CHDH: variants seen among roughly 807,000 people sequenced by gnomAD.
The protein encoded by CHDH is choline dehydrogenase, also known as choline dehydrogenase, mitochondrial.
A neutral mutation model predicts 56.9 loss-of-function variants in CHDH; 43 were observed. The observed-to-expected ratio is 0.76, with a 90% confidence interval of 0.59 to 0.97. The LOEUF (loss-of-function observed/expected upper bound fraction) is 0.97, where lower values mean the gene tolerates loss of function less well. Among genes scored for constraint, CHDH ranks in the 50% least tolerant of loss-of-function variants. The probability of loss-of-function intolerance (pLI) is 0.00; values close to 1 mark genes in which losing one functional copy is unlikely to be tolerated. For synonymous variants in CHDH, 364 were observed against 348.5 expected (o/e 1.04, Z -0.50); for missense variants, 816 against 821.1 (o/e 0.99, Z 0.08).
chr3:53,839,081 G>A (rs897439529), intron 2 of CHDH, among the ~76,000 whole-genome samples: 1 of 152,210 alleles, frequency 6.6e-6, no homozygotes, highest in African/African-American at 2.4e-5. Flanking sequence ...CGGACCAGCA[G>A]AAGGAGAAAA....
At chr3:53,840,644 C>T (rs531820428) in intron 2 of CHDH, among the ~76,000 whole-genome samples, 1 of 152,160 alleles carries the variant, frequency 6.6e-6, no homozygotes, top group Non-Finnish European at 1.5e-5. Context: ...ACACAAAATT[C>T]CCATCTCCAT....
At position 53,833,653 on chromosome 3, in the gene CHDH, G is replaced by A. The variant is rs117125619; in HGVS notation, c.-60+7276C>T. ...CTCCCTGCCATGGGTGGGGTCTGAA[G>A]TTGGTGAGGTAGCATCCAAGGCTTC... On this transcript the variant is annotated intron_variant, in intron 2 of 8. Transcript: ENST00000315251. Among the ~76,000 whole-genome samples the A allele has an allele frequency of 7.4e-3, 1,134 of 152,288 alleles. 32 individuals are homozygous for A. In the East Asian group the frequency reaches 0.091, roughly 12 times the overall value.
chr3:53,827,949 G>A (rs539299995), intron 2 of CHDH, among the ~76,000 whole-genome samples: 12 of 152,172 alleles, frequency 7.9e-5, no homozygotes, highest in Middle Eastern at 3.4e-3. Flanking sequence ...AAAGTGAAGC[G>A]CAAAATTGGA....
Position 53,846,343 on chromosome 3 carries a change from G to T in CHDH, c.-391C>A, listed in dbSNP as rs1372499188. ...CTCACTGCATGCACGTGTGCGCGGGGGTAGGCGCGCGCCGCGGCGGCCCGT... is the reference window on the plus strand; with the variant it reads ...CTCACTGCATGCACGTGTGCGCGGGTGTAGGCGCGCGCCGCGGCGGCCCGT... On this transcript the variant is annotated 5_prime_UTR_variant, in exon 1 of 9. Coordinates refer to ENST00000315251, the MANE Select transcript of CHDH (RefSeq NM_018397.5). 4 of 451,578 alleles carry T rather than the reference G, an allele frequency of 8.9e-6. No homozygotes were observed. Among genetic ancestry groups the T allele is most frequent in the Non-Finnish European group, 1.5e-5 (4 of 258,720 alleles). The allele number at this position is 451,578 out of a possible 1,614,324, so 28.0% of individuals were successfully genotyped here.
chr3:53,846,317 G>T lies in CHDH; in HGVS notation c.-365C>A, dbSNP rs952947917. Reference sequence around the variant, plus strand: ...AGGGCGGGTGCAGCTGATGCACCTGGCTCACTGCATGCACGTGTGCGCGGG... The same window carrying T: ...AGGGCGGGTGCAGCTGATGCACCTGTCTCACTGCATGCACGTGTGCGCGGG... On this transcript the variant is annotated 5_prime_UTR_variant, in exon 1 of 9. Transcript: ENST00000315251. The T allele has an allele frequency of 2.2e-5, 9 of 404,492 alleles. No homozygotes were observed. The highest frequency in any genetic ancestry group is 3.0e-5 in the Non-Finnish European group (7 of 229,872). 25.1% of individuals were successfully genotyped at this position (404,492 alleles called of 1,614,324 possible). A position where few individuals can be genotyped will look rare whatever the true frequency, so the allele number is the denominator to read the frequency against.
At position 53,813,613 on chromosome 3, in the gene CHDH, T is replaced by C. The variant is rs1246714946; in HGVS notation, c.*4164A>G. On this transcript the variant is annotated 3_prime_UTR_variant, in exon 9 of 9. Transcript: ENST00000315251. Reference sequence around the variant, plus strand: ...CCTAAGTGTCTGATAGAGGCGATGATCTTTTCCAAAGTCAGTACTTACAAA... The same window carrying C: ...CCTAAGTGTCTGATAGAGGCGATGACCTTTTCCAAAGTCAGTACTTACAAA... 1 of 152,234 alleles carries C rather than the reference T, an allele frequency of 6.6e-6. No homozygotes were observed. The highest frequency in any genetic ancestry group is 1.9e-4 in the East Asian group (1 of 5,194). 9.4% of individuals were successfully genotyped at this position (152,234 alleles called of 1,614,324 possible).
chr3:53,843,149 T>C (rs996179714), intron 1 of CHDH, among the ~76,000 whole-genome samples: 1 of 150,706 alleles, frequency 6.6e-6, no homozygotes, highest in Non-Finnish European at 1.5e-5. Flanking sequence ...ATCTGGGGAT[T>C]ACCGTGACTC....
Position 53,816,839 on chromosome 3 carries a change from G to GTTT in CHDH, c.*937_*938insAAA. ...TTGAATAAGGTCCAAAAAAATCTCAGGTTTTTTTTTTTTTTTTTTTTTTTG... is the reference window on the plus strand; with the variant it reads ...TTGAATAAGGTCCAAAAAAATCTCAGTTTGTTTTTTTTTTTTTTTTTTTTTTTG... On this transcript the variant is annotated 3_prime_UTR_variant, in exon 9 of 9. Transcript: ENST00000315251. 1 of 142,986 alleles carries GTTT rather than the reference G, an allele frequency of 7.0e-6. No homozygotes were observed. The highest frequency in any genetic ancestry group is 2.2e-4 in the South Asian group (1 of 4,470). The allele number at this position is 142,986 out of a possible 1,614,324, so 8.9% of individuals were successfully genotyped here. A position where few individuals can be genotyped will look rare whatever the true frequency, so the allele number is the denominator to read the frequency against.
chr3:53,828,889 C>T, intron 2 of CHDH, among the ~76,000 whole-genome samples: 1 of 152,194 alleles, frequency 6.6e-6, no homozygotes, highest in East Asian at 1.9e-4. Flanking sequence ...AGCAATTGTG[C>T]TCCTTGGTAT....
At chr3:53,844,820 T>C (rs961648664) in intron 1 of CHDH, 1 of 152,298 alleles carries the variant, frequency 6.6e-6, no homozygotes, top group Non-Finnish European at 1.5e-5. Context: ...AAACCAAAAA[T>C]GGATGACCAT....
intron 2 of CHDH, among the ~76,000 whole-genome samples, chr3:53,826,315 T>TA (rs59355780): frequency 0.023 from 3,264 of 139,814 alleles, 116 homozygotes; most frequent in African/African-American, 0.072. Flanking sequence ...GACATTACAA[T>TA]AAAAAAAAAA....
At chr3:53,844,341 C>G (rs545764393) in intron 1 of CHDH, among the ~76,000 whole-genome samples, 1 of 152,272 alleles carries the variant, frequency 6.6e-6, no homozygotes, top group East Asian at 1.9e-4. Flanking sequence ...TTTTACAAAA[C>G]CCCCTCCCCT....
rs1463669781 is a variant in CHDH, at chr3:53,823,352, G to A, written c.657C>T (p.Gly219=). The A allele has an allele frequency of 1.3e-6, 2 of 1,599,668 alleles. No individual in the cohort carries two copies. The highest frequency in any genetic ancestry group is 1.1e-5 in the South Asian group (1 of 89,236). ...TCCAGCCGAAGCCCTCCTGCTGGAA[G>A]CCATTCATGTCCTCGGTGAGCGGGT... is the stretch of plus-strand genomic sequence containing the variant. ...AGYPLTEDMN[G]FQQEGFGWMD... Residue 219 remains glycine, a synonymous_variant, in exon 3 of 9, where the codon GGC becomes GGT. Coordinates refer to ENST00000315251, the MANE Select transcript of CHDH (RefSeq NM_018397.5).
chr3:53,839,079 CAGA>C (rs1559763252), intron 2 of CHDH, among the ~76,000 whole-genome samples: 2 of 152,256 alleles, frequency 1.3e-5, no homozygotes, highest in East Asian at 1.9e-4. Context: ...CCCGGACCAG[CAGA>C]AGGAGAAAAA....
chr3:53,830,402 T>TTATATATATATATATA (rs34884918), intron 2 of CHDH, among the ~76,000 whole-genome samples: 146 of 147,068 alleles, frequency 9.9e-4, no homozygotes, highest in African/African-American at 3.5e-3. Flanking sequence ...CTAAATGAGA[T>TTATATATATATATATA]TATATATATA....
Position 53,816,222 on chromosome 3 carries a change from T to C in CHDH, c.*1555A>G, listed in dbSNP as rs2095615857. The C allele has an allele frequency of 1.4e-5, 2 of 147,028 alleles. No individual in the cohort carries two copies. The highest frequency in any genetic ancestry group is 2.5e-5 in the African/African-American group (1 of 39,802). 9.1% of individuals were successfully genotyped at this position (147,028 alleles called of 1,614,324 possible). A position where few individuals can be genotyped will look rare whatever the true frequency, so the allele number is the denominator to read the frequency against. On this transcript the variant is annotated 3_prime_UTR_variant, in exon 9 of 9. Coordinates refer to ENST00000315251, the MANE Select transcript of CHDH (RefSeq NM_018397.5). ...ATCCCCCAATTTCCTCCCGTCCTTA[T>C]TCTGGGCCTAGTATAGCTGCAGGTT...
chr3:53,843,393 C>A (rs1459198142), intron 1 of CHDH, among the ~76,000 whole-genome samples: 1 of 152,092 alleles, frequency 6.6e-6, no homozygotes, highest in African/African-American at 2.4e-5. Context: ...TCAAGGCCAA[C>A]AGATGGTGAA....
At chr3:53,821,118 C>T (rs1337123708) in intron 5 of CHDH, among the ~76,000 whole-genome samples, 1 of 152,254 alleles carries the variant, frequency 6.6e-6, no homozygotes, top group Non-Finnish European at 1.5e-5. Context: ...ATGATGAAGC[C>T]TAAAGGCACA....
Position 53,819,623 on chromosome 3 carries a change from G to A in CHDH, c.1172C>T (p.Pro391Leu), listed in dbSNP as rs771778664. 1 of 1,612,486 alleles carries A rather than the reference G, an allele frequency of 6.2e-7. No individual in the cohort carries two copies. Among genetic ancestry groups the A allele is most frequent in the Non-Finnish European group, 8.5e-7 (1 of 1,179,186 alleles). The change falls in exon 7 of 9, where the codon CCT becomes CTT. Residue 391 changes from proline to leucine, a missense_variant. By Grantham distance (98) the Pro-to-Leu change is moderately conservative. Coordinates refer to ENST00000315251, the MANE Select transcript of CHDH (RefSeq NM_018397.5). The surrounding 1 kb of genome is among the most constrained non-coding windows in gnomAD (Gnocchi z 5.4). ...LETGGFIRSQ[P>L]GVPHPDIQFH... ...CTGGATGTCCGGGTGGGGGACCCCAGGCTGGCTGCGGATGAACCCACCTGT... is the reference window on the plus strand; with the variant it reads ...CTGGATGTCCGGGTGGGGGACCCCAAGCTGGCTGCGGATGAACCCACCTGT...
Sources: gnomAD v4.1 joint callset for allele counts (sites outside exome capture counted in the v4.1 genomes callset) on GRCh38, gnomAD v4.1.1 for gene constraint, Gnocchi (gnomAD v3.1) non-coding constraint, MANE v1.5 for transcripts, NCBI Gene and HGNC (gene_info 2026-07-23, HGNC 2026-07-21) for gene names.